UBR4: variants seen among roughly 807,000 people sequenced by gnomAD.
The protein encoded by UBR4 is E3 ubiquitin-protein ligase UBR4.
Under a neutral mutation model 575.6 loss-of-function variants are expected in UBR4, and 124 were observed. The ratio of observed to expected loss-of-function variants is 0.22; its 90% CI spans 0.19 to 0.25. The LOEUF (loss-of-function observed/expected upper bound fraction) is 0.25. UBR4 is among the 10% of genes least tolerant of loss of function. UBR4 has a pLI of 1.00. For synonymous variants in UBR4, 2,455 were observed against 2,473.7 expected (o/e 0.99, Z 0.22); for missense variants, 4,818 against 6,478.8 (o/e 0.74, Z 8.80).
intron 53 of UBR4, 150 bp downstream of exon 53, chr1:19,145,643 T>G (rs2084763418): frequency 9.8e-7 from 1 of 1,018,302 alleles, no homozygotes; most frequent in Non-Finnish European, 1.4e-6. Context: ...GAACATTGCA[T>G]TTATCTCGCA....
intron 25 of UBR4, 99 bp downstream of exon 25, chr1:19,172,765 T>A (rs2150928648): frequency 3.9e-6 from 5 of 1,275,288 alleles, no homozygotes; most frequent in Non-Finnish European, 5.5e-6. Flanking sequence ...AAAAAACCCC[T>A]AAGCTGAAGA....
chr1:19,127,381 A>G (rs2081939525), intron 63 of UBR4, among the ~76,000 whole-genome samples: 1 of 152,208 alleles, frequency 6.6e-6, no homozygotes, highest in Non-Finnish European at 1.5e-5. Flanking sequence ...CTCTTCAATA[A>G]TGGAACTTCC....
chr1:19,126,802 C>A, intron 63 of UBR4, 147 bp from the exon 64 acceptor site: 7 of 842,924 alleles, frequency 8.3e-6, no homozygotes, highest in Non-Finnish European at 1.3e-5. Flanking sequence ...CTGAAACTTC[C>A]CCAAGGAAGT....
chr1:19,081,706 A>T (rs752901597), intron 102 of UBR4, 133 bp from the exon 103 acceptor site: 57 of 974,856 alleles, frequency 5.8e-5, no homozygotes, highest in African/African-American at 9.7e-5. Context: ...AACACTCCCC[A>T]CCCATCCTTG....
intron 8 of UBR4, among the ~76,000 whole-genome samples, chr1:19,194,868 C>T (rs1254082601): frequency 6.6e-6 from 1 of 152,012 alleles, no homozygotes; most frequent in Non-Finnish European, 1.5e-5. Context: ...GCACAGTCGA[C>T]TCCAGAGGCT....
intron 1 of UBR4, among the ~76,000 whole-genome samples, chr1:19,203,717 G>T (rs2092863948): frequency 1.3e-5 from 2 of 152,138 alleles, no homozygotes; most frequent in East Asian, 3.9e-4. Context: ...AGGATAAATG[G>T]GTATGTATCA....
At chr1:19,107,354 C>T (rs1237688455) in intron 81 of UBR4, among the ~76,000 whole-genome samples, 2 of 152,158 alleles carry the variant, frequency 1.3e-5, no homozygotes, top group East Asian at 1.9e-4. Flanking sequence ...AGAGAGAGAG[C>T]CACAGATGAC....
chr1:19,148,555 T>C lies in UBR4; in HGVS notation c.7494+8A>G. ...AAAGCTTCCATGTGCTTTGAAAAAGTGACTTGCCTTCTCGATGATTGGGCC... is the reference window on the plus strand; with the variant it reads ...AAAGCTTCCATGTGCTTTGAAAAAGCGACTTGCCTTCTCGATGATTGGGCC... On this transcript the variant is annotated splice_region_variant and intron_variant, in intron 50 of 105. Transcript: ENST00000375254. The C allele has an allele frequency of 6.2e-7, 1 of 1,614,214 alleles. No individual in the cohort carries two copies. The highest frequency in any genetic ancestry group is 8.5e-7 in the Non-Finnish European group (1 of 1,180,008).
At chr1:19,154,162 T>A (rs1330918602) in intron 44 of UBR4, among the ~76,000 whole-genome samples, 1 of 152,204 alleles carries the variant, frequency 6.6e-6, no homozygotes, top group African/African-American at 2.4e-5. Flanking sequence ...GAGTCTCCAC[T>A]GTGAGGTTCC....
chr1:19,158,552 G>T (rs770477114), intron 39 of UBR4, among the ~76,000 whole-genome samples: 5 of 151,852 alleles, frequency 3.3e-5, no homozygotes, highest in African/African-American at 4.8e-5. Flanking sequence ...CGAATTCCCC[G>T]GTTCAGGCAA....
At chr1:19,167,830 G>T (rs761514190) in intron 28 of UBR4, among the ~76,000 whole-genome samples, 197 bp downstream of exon 28, 2 of 152,182 alleles carry the variant, frequency 1.3e-5, no homozygotes, top group Non-Finnish European at 2.9e-5. Flanking sequence ...CACAAAGGAG[G>T]AAGTACTCTA....
chr1:19,084,908 G>A (rs979677408), intron 101 of UBR4, among the ~76,000 whole-genome samples: 2 of 152,196 alleles, frequency 1.3e-5, no homozygotes, highest in African/African-American at 4.8e-5. Context: ...GTGACTGAAC[G>A]TGACACTCGC....
chr1:19,197,314 T>C, intron 7 of UBR4, 49 bp from the exon 8 acceptor site: 1 of 1,611,540 alleles, frequency 6.2e-7, no homozygotes, highest in Non-Finnish European at 8.5e-7. Context: ...CATTCACTTC[T>C]ATAATGTGAC....
intron 86 of UBR4, 101 bp from the exon 87 acceptor site, chr1:19,104,358 C>G: frequency 1.4e-6 from 2 of 1,452,462 alleles, no homozygotes; most frequent in Non-Finnish European, 1.9e-6. Context: ...CAGGGAAAAT[C>G]TATCTTTGTG....
At chr1:19,195,045 G>A (rs960871018) in intron 8 of UBR4, among the ~76,000 whole-genome samples, 1 of 151,514 alleles carries the variant, frequency 6.6e-6, no homozygotes, top group African/African-American at 2.4e-5. Flanking sequence ...CGGATCACGA[G>A]GTCAGGAGAT....
chr1:19,078,353 C>T lies in UBR4; in HGVS notation c.15234-287G>A, dbSNP rs572844269. The T allele has an allele frequency of 2.8e-5, 9 of 317,042 alleles. No homozygotes were observed. The East Asian group carries it at 4.0e-4, about 14-fold the overall frequency. The allele number at this position is 317,042 out of a possible 1,614,324, so 19.6% of individuals were successfully genotyped here. On this transcript the variant is annotated intron_variant, in intron 103 of 105. Coordinates refer to ENST00000375254, the MANE Select transcript of UBR4 (RefSeq NM_020765.3). Reference sequence around the variant, plus strand: ...GGAACCGGGGGAGACATCGCCAGGGCAGACGTGGCAAATGCAAGGCTAGTG... The same window carrying T: ...GGAACCGGGGGAGACATCGCCAGGGTAGACGTGGCAAATGCAAGGCTAGTG...
intron 25 of UBR4, 43 bp downstream of exon 25, chr1:19,172,821 G>GT: frequency 6.3e-7 from 1 of 1,579,952 alleles, no homozygotes; most frequent in Non-Finnish European, 8.7e-7. Context: ...TCTGCACGGA[G>GT]TGAAGAGTGC....
intron 97 of UBR4, among the ~76,000 whole-genome samples, chr1:19,091,083 C>CA (rs1352145419): frequency 3.9e-5 from 5 of 127,696 alleles, no homozygotes; most frequent in African/African-American, 1.6e-4. Flanking sequence ...GTGACAAGAG[C>CA]AAAACTTCAT....
intron 8 of UBR4, 115 bp from the exon 9 acceptor site, chr1:19,193,672 T>C (rs2092268690): frequency 7.5e-7 from 1 of 1,337,452 alleles, no homozygotes; most frequent in Non-Finnish European, 1.0e-6. Context: ...CTACTTAAAA[T>C]AAATGCCATT....
Sources: allele counts gnomAD v4.1 joint callset (sites outside exome capture counted in the v4.1 genomes callset), GRCh38; gene constraint gnomAD v4.1.1; transcripts MANE v1.5; gene names NCBI Gene and HGNC (gene_info 2026-07-23, HGNC 2026-07-21).